Variants in PNPLA8 observed in about 807,000 individuals in gnomAD.
PNPLA8 encodes the protein patatin like domain 8, phospholipase A2.
Under a neutral mutation model 76.9 loss-of-function variants are expected in PNPLA8, and 39 were observed. The ratio of observed to expected loss-of-function variants is 0.51; its 90% confidence interval spans 0.39 to 0.66. PNPLA8 has a LOEUF of 0.66. Among genes scored for constraint, PNPLA8 ranks in the 30% least tolerant of loss-of-function variants. PNPLA8 has a pLI of 0.00. For synonymous variants in PNPLA8, 301 were observed against 307.9 expected (o/e 0.98, Z 0.24); for missense variants, 887 against 918.0 (o/e 0.97, Z 0.44).
At chr7:108,511,636 G>T (rs1352182614) in intron 4 of PNPLA8, among the ~76,000 whole-genome samples, 2 of 152,142 alleles carry the variant, frequency 1.3e-5, no homozygotes, top group Non-Finnish European at 2.9e-5. Context: ...AGGTGAAGAA[G>T]GTGTGGCTGA....
chr7:108,526,130 A>T lies in PNPLA8; in HGVS notation c.-231T>A, dbSNP rs907365577. Reference sequence around the variant, plus strand: ...CTGCATCAGCTGAGCTTCCAACACAAACACTGGCGCAGCAGCTAGGTCGCC... The same window carrying T: ...CTGCATCAGCTGAGCTTCCAACACATACACTGGCGCAGCAGCTAGGTCGCC... On this transcript the variant is annotated 5_prime_UTR_variant, in exon 1 of 11. It adds an upstream start codon to the 5' untranslated region. Coordinates refer to ENST00000257694, the MANE Select transcript of PNPLA8 (RefSeq NM_001256007.3). 3.1e-6 allele frequency: 3 copies of T among 979,050 alleles called. No homozygotes were observed. The highest frequency in any genetic ancestry group is 2.3e-4 in the East Asian group (2 of 8,796). The allele number at this position is 979,050 out of a possible 1,614,324, so 60.6% of individuals were successfully genotyped here. A position where few individuals can be genotyped will look rare whatever the true frequency, so the allele number is the denominator to read the frequency against.
At chr7:108,506,362 A>G (rs533253728) in intron 4 of PNPLA8, among the ~76,000 whole-genome samples, 2 of 151,854 alleles carry the variant, frequency 1.3e-5, no homozygotes, top group African/African-American at 2.4e-5. Context: ...TGGACAACAG[A>G]GCGACACTCA....
rs369189220 is a variant in PNPLA8, at chr7:108,477,759, G to A, written c.2074+1425C>T. ...TGCACCTGTAGTCCCAGCTACTCAG[G>A]AGACTAAGGTGGGAGGACTGGTTGA... On this transcript the variant is annotated intron_variant, in intron 10 of 10. Transcript: ENST00000257694. Among the ~76,000 whole-genome samples the A allele has an allele frequency of 5.3e-5, 8 of 152,274 alleles. No homozygotes were observed. The East Asian group carries it at 1.5e-3, about 29-fold the overall frequency.
chr7:108,526,966 A>G (rs1864119878), upstream of PNPLA8, among the ~76,000 whole-genome samples: 1 of 152,242 alleles, frequency 6.6e-6, no homozygotes, highest in South Asian at 2.1e-4. Context: ...ATTAGAACAT[A>G]GCTTTGCATT....
chr7:108,514,374 G>A (rs1300567440), intron 3 of PNPLA8, 62 bp downstream of exon 3: 2 of 1,538,076 alleles, frequency 1.3e-6, no homozygotes, highest in Admixed American at 4.0e-5. Flanking sequence ...TTCTCATTAG[G>A]AAATAAAACT....
At chr7:108,493,351 A>G (rs1367803699) in intron 7 of PNPLA8, among the ~76,000 whole-genome samples, 1 of 152,104 alleles carries the variant, frequency 6.6e-6, no homozygotes, top group African/African-American at 2.4e-5. Context: ...AAATTTTTAA[A>G]TTTTCATTAA....
chr7:108,472,501 T>C lies in PNPLA8; in HGVS notation c.2249A>G (p.Lys750Arg). The C allele has an allele frequency of 6.2e-7, 1 of 1,609,958 alleles. No individual in the cohort carries two copies. Among genetic ancestry groups the C allele is most frequent in the Non-Finnish European group, 8.5e-7 (1 of 1,178,558 alleles). ...RNEQKMKKVA[K>R]ILSQEKTTLQ... ...AGTTGTTTTTTCTTGACTTAATATTTTTGCAACTTTTTTCATTTTTTGTTC... is the reference window on the plus strand; with the variant it reads ...AGTTGTTTTTTCTTGACTTAATATTCTTGCAACTTTTTTCATTTTTTGTTC... The change falls in exon 11 of 11, where the codon AAA becomes AGA. Residue 750 changes from lysine to arginine, a missense_variant. Coordinates refer to ENST00000257694, the MANE Select transcript of PNPLA8 (RefSeq NM_001256007.3).
chr7:108,512,983 C>G (rs1289471330), intron 4 of PNPLA8, among the ~76,000 whole-genome samples: 1 of 152,150 alleles, frequency 6.6e-6, no homozygotes, highest in East Asian at 1.9e-4. Flanking sequence ...CACCTTGCCC[C>G]TTCTGCCATC....
At chr7:108,527,095 G>A (rs553121763), upstream of PNPLA8, among the ~76,000 whole-genome samples, 1 of 152,278 alleles carries the variant, frequency 6.6e-6, no homozygotes, top group South Asian at 2.1e-4. Flanking sequence ...AAACAGATCA[G>A]TTTCAACTAG....
At chr7:108,488,302 G>A (rs1052429787) in intron 8 of PNPLA8, among the ~76,000 whole-genome samples, 2 of 152,202 alleles carry the variant, frequency 1.3e-5, no homozygotes, top group African/African-American at 2.4e-5. Flanking sequence ...CTTAAAGGCT[G>A]GGCACAGTGG....
At position 108,514,642 on chromosome 7, in the gene PNPLA8, T is replaced by G. The variant is rs747170465; in HGVS notation, c.850A>C (p.Lys284Gln). The change falls in exon 3 of 11, where the codon AAA becomes CAA. Residue 284 changes from lysine (K) to glutamine (Q), a missense_variant. By Grantham distance (53) the Lys-to-Gln change is moderately conservative. Transcript: ENST00000257694. ...AIPDVLQVST[K>Q]QSIANFLSRP... ...GAAAGAAAGTTAGCAATACTTTGTT[T>G]AGTTGAAACTTGAAGAACATCAGGT... 7 of 1,613,872 alleles carry G rather than the reference T, an allele frequency of 4.3e-6. No homozygotes were observed. Among genetic ancestry groups the G allele is most frequent in the East Asian group, 4.5e-5 (2 of 44,880 alleles).
At chr7:108,475,374 G>T (rs1342702249) in intron 10 of PNPLA8, among the ~76,000 whole-genome samples, 1 of 152,044 alleles carries the variant, frequency 6.6e-6, no homozygotes, top group African/African-American at 2.4e-5. Flanking sequence ...CAGTCCTTGG[G>T]ACCAAAGAGG....
intron 5 of PNPLA8, among the ~76,000 whole-genome samples, chr7:108,500,910 G>A (rs575943846): frequency 2.3e-4 from 34 of 148,784 alleles, no homozygotes; most frequent in Admixed American, 4.0e-4. Context: ...GCAAAACTCC[G>A]TCTCAAAAAA....
chr7:108,505,327 TATATATATATATATATATATATATA>T (rs1474147301), intron 4 of PNPLA8, among the ~76,000 whole-genome samples: 1,055 of 9,296 alleles, frequency 0.11, 70 homozygotes, highest in East Asian at 0.14. Flanking sequence ...TATATATATA[TATATATATATATATATATATATATA>T]TTTTTTTTTT....
rs770292426 is a variant in PNPLA8 at position 108,479,336 on chromosome 7, T to C, written c.1922A>G (p.His641Arg). Residue 641 changes from histidine to arginine, a missense_variant, in exon 10 of 11, where the codon CAT (histidine) becomes CGT (arginine). Coordinates refer to ENST00000257694, the MANE Select transcript of PNPLA8 (RefSeq NM_001256007.3). ...LLNNPSALAM[H>R]ECKCLWPDVP... ...ATCTGGCCAAAGACATTTACACTCA[T>C]GCATAGCTAATGCCGAAGGGTTATT... is the stretch of plus-strand genomic sequence containing the variant. The C allele has an allele frequency of 7.4e-6, 12 of 1,613,808 alleles. No homozygotes were observed. Among genetic ancestry groups the C allele is most frequent in the Non-Finnish European group, 1.0e-5 (12 of 1,179,744 alleles).
At chr7:108,495,519 G>C (rs1265920523) in intron 7 of PNPLA8, among the ~76,000 whole-genome samples, 1 of 152,032 alleles carries the variant, frequency 6.6e-6, no homozygotes, top group Non-Finnish European at 1.5e-5. Context: ...CATGTTAATA[G>C]TGCTTTTGTT....
intron 4 of PNPLA8, among the ~76,000 whole-genome samples, chr7:108,506,819 T>C (rs1318482104): frequency 6.6e-6 from 1 of 152,146 alleles, no homozygotes; most frequent in East Asian, 1.9e-4. Context: ...GATCAACCTT[T>C]TTGGGAACAG....
In PNPLA8 at chr7:108,471,042, A is replaced by G. The variant is rs373844672; in HGVS notation, c.*1359T>C. On this transcript the variant is annotated 3_prime_UTR_variant, in exon 11 of 11. Coordinates refer to ENST00000257694, the MANE Select transcript of PNPLA8 (RefSeq NM_001256007.3). ...AACAAGGGGCGCTAACCTTTGTTTC[A>G]TTTTTCTTAAGAAATCAAAACATTC... 6.6e-6 allele frequency: 1 copy of G among 152,100 alleles called. No homozygotes were observed. Among genetic ancestry groups the G allele is most frequent in the African/African-American group, 2.4e-5 (1 of 41,404 alleles). 9.4% of individuals were successfully genotyped at this position (152,100 alleles called of 1,614,324 possible).
At chr7:108,523,703 C>T (rs1863897465) in intron 1 of PNPLA8, among the ~76,000 whole-genome samples, 2 of 152,220 alleles carry the variant, frequency 1.3e-5, no homozygotes, top group African/African-American at 2.4e-5. Flanking sequence ...CTCTTTCTAT[C>T]CAATAAAACT....
Sources: allele counts gnomAD v4.1 joint callset (sites outside exome capture counted in the v4.1 genomes callset), GRCh38; gene constraint gnomAD v4.1.1; transcripts MANE v1.5; gene names NCBI Gene and HGNC (gene_info 2026-07-23, HGNC 2026-07-21).